The following PAGE2B variants were observed in gnomAD, a reference collection of about 807,000 sequenced individuals.
PAGE2B encodes the protein putative G antigen family E member 3.
A neutral mutation model predicts 7.6 loss-of-function variants in PAGE2B; 5 were observed. The observed-to-expected ratio is 0.66, with a 90% CI of 0.34 to 1.38. PAGE2B has a LOEUF of 1.38. PAGE2B is among the 40% of genes most tolerant of loss of function. The probability of loss-of-function intolerance (pLI) is 0.04; values close to 1 mark genes in which losing one functional copy is unlikely to be tolerated. For synonymous variants in PAGE2B, 29 were observed against 26.7 expected (o/e 1.09, Z -0.27); for missense variants, 70 against 78.4 (o/e 0.89, Z 0.41).
the PAGE2B span, among the ~76,000 whole-genome samples, chrX:55,061,940 T>C: frequency 2.7e-5 from 3 of 112,120 alleles, no homozygotes; most frequent in Non-Finnish European, 5.6e-5. Context: ...ATTCGTTTTA[T>C]GGCTGAATAG....
chrX:55,066,770 T>C, the PAGE2B span, among the ~76,000 whole-genome samples: 1 of 111,635 alleles, frequency 9.0e-6, no homozygotes, highest in Admixed American at 9.6e-5. Flanking sequence ...TACTCTTCTT[T>C]GGGTTAAATC....
chrX:55,062,390 A>G, the PAGE2B span, among the ~76,000 whole-genome samples: 1 of 111,997 alleles, frequency 8.9e-6, no homozygotes, highest in Non-Finnish European at 1.9e-5. Context: ...TGCTATTTGT[A>G]TGTCTTCTTT....
chrX:55,037,475 A>G, the PAGE2B span, among the ~76,000 whole-genome samples: 1 of 111,417 alleles, frequency 9.0e-6, no homozygotes, highest in Non-Finnish European at 1.9e-5. Flanking sequence ...TAGTTCAACC[A>G]TTGTGGAAGT....
the PAGE2B span, among the ~76,000 whole-genome samples, chrX:55,051,770 C>G: frequency 9.0e-6 from 1 of 111,366 alleles, no homozygotes; most frequent in South Asian, 3.8e-4. Flanking sequence ...TCCTTTAGCT[C>G]GGAGTAGTTT....
chrX:55,042,356 G>C, the PAGE2B span, among the ~76,000 whole-genome samples: 3 of 110,806 alleles, frequency 2.7e-5, no homozygotes, highest in African/African-American at 9.8e-5. Context: ...AATCAAGAAG[G>C]TAAAATACCT....
the PAGE2B span, among the ~76,000 whole-genome samples, chrX:55,051,365 G>T: frequency 1.2e-4 from 13 of 111,597 alleles, no homozygotes; most frequent in South Asian, 2.6e-3. Flanking sequence ...TGCCTTGCTA[G>T]ATTGGGGAAG....
chrX:55,056,932 C>A, the PAGE2B span, among the ~76,000 whole-genome samples: 2 of 111,518 alleles, frequency 1.8e-5, no homozygotes, highest in Non-Finnish European at 3.8e-5. Context: ...ACCTGTTCTG[C>A]CGAAGATTCT....
the PAGE2B span, among the ~76,000 whole-genome samples, chrX:55,069,363 C>A: frequency 9.0e-6 from 1 of 111,689 alleles, no homozygotes; most frequent in East Asian, 2.8e-4. Flanking sequence ...ATATGTTGAA[C>A]CAGCCTTGCA....
At chrX:55,067,628 C>T in the PAGE2B span, among the ~76,000 whole-genome samples, 51 of 111,857 alleles carry the variant, frequency 4.6e-4, no homozygotes, top group Non-Finnish European at 7.9e-4. Flanking sequence ...GGAATCACCA[C>T]ACTGTCTTCC....
At chrX:55,050,608 T>C in the PAGE2B span, among the ~76,000 whole-genome samples, 3 of 111,149 alleles carry the variant, frequency 2.7e-5, no homozygotes, top group Non-Finnish European at 3.8e-5. Flanking sequence ...AAAATCTGTT[T>C]TATCAGAGAC....
chrX:55,040,045 C>CTT, the PAGE2B span, among the ~76,000 whole-genome samples: 5 of 99,581 alleles, frequency 5.0e-5, no homozygotes, highest in African/African-American at 1.8e-4. Flanking sequence ...TCAATATTTT[C>CTT]TTTTTTTTTT....
the PAGE2B span, among the ~76,000 whole-genome samples, chrX:55,065,806 A>G: frequency 2.7e-5 from 3 of 112,368 alleles, no homozygotes; most frequent in Admixed American, 9.5e-5. Context: ...ATTGCATAAA[A>G]AACCCAACAA....
chrX:55,038,240 A>G, the PAGE2B span, among the ~76,000 whole-genome samples: 1 of 110,400 alleles, frequency 9.1e-6, no homozygotes, highest in Non-Finnish European at 1.9e-5. Flanking sequence ...TGTAAAAAAA[A>G]TTTTGCCTTT....
At chrX:55,042,653 CAAAAAAAAAAAAAAAAAAAA>C in the PAGE2B span, among the ~76,000 whole-genome samples, 81 of 11,868 alleles carry the variant, frequency 6.8e-3, 1 homozygote, top group African/African-American at 0.033. Context: ...GACTCCGTCT[CAAAAAAAAAAAAAAAAAAAA>C]AAAAAAAAAA....
At chrX:55,048,159 T>A in the PAGE2B span, among the ~76,000 whole-genome samples, 1 of 112,071 alleles carries the variant, frequency 8.9e-6, no homozygotes, top group Non-Finnish European at 1.9e-5. Context: ...GGCTCTGTTC[T>A]GTTCCATTGG....
chrX:55,042,268 A>G, the PAGE2B span, among the ~76,000 whole-genome samples: 1 of 111,498 alleles, frequency 9.0e-6, no homozygotes, highest in African/African-American at 3.3e-5. Context: ...ACAGCGACCA[A>G]GCTGAGAATC....
chrX:55,050,996 C>T, the PAGE2B span, among the ~76,000 whole-genome samples: 1 of 111,531 alleles, frequency 9.0e-6, no homozygotes, highest in African/African-American at 3.3e-5. Flanking sequence ...TCTTGTAGGG[C>T]AGGCCTGGCG....
chrX:55,046,598 A>G, the PAGE2B span, among the ~76,000 whole-genome samples: 307 of 112,553 alleles, frequency 2.7e-3, 1 homozygote, highest in African/African-American at 9.6e-3. Context: ...GACTAAAGGA[A>G]GCTTACAGAA....
the PAGE2B span, among the ~76,000 whole-genome samples, chrX:55,040,644 G>C: frequency 1.8e-5 from 2 of 111,190 alleles, no homozygotes. Context: ...GTGGTTGTCA[G>C]GGGCGGGGCG....
Sources: allele counts gnomAD v4.1 joint callset (sites outside exome capture counted in the v4.1 genomes callset), GRCh38; gene constraint gnomAD v4.1.1; transcripts MANE v1.5; gene names NCBI Gene and HGNC (gene_info 2026-07-23, HGNC 2026-07-21).